MYO19: variants seen among roughly 807,000 people sequenced by gnomAD.
MYO19 encodes the protein unconventional myosin-XIX.
Under a neutral mutation model 129.2 loss-of-function variants are expected in MYO19, and 132 were observed. The ratio of observed to expected loss-of-function variants is 1.02; its 90% confidence interval spans 0.89 to 1.18. The LOEUF (loss-of-function observed/expected upper bound fraction) is 1.18. Ranked by LOEUF, MYO19 falls within the 50% of genes most tolerant of loss-of-function variation. The pLI, the probability that MYO19 is intolerant of heterozygous loss-of-function variation, is 0.00. For missense variants in MYO19, 1,210 were observed against 1,216.7 expected, an observed-to-expected ratio of 0.99 and a Z score of 0.08; for synonymous variants, 531 against 477.2, an observed-to-expected ratio of 1.11 and a Z score of -1.47.
At chr17:36,507,219 C>A in intron 16 of MYO19, 80 bp from the exon 17 acceptor site, 1 of 1,537,120 alleles carries the variant, frequency 6.5e-7, no homozygotes. Context: ...CCTGTGGACC[C>A]CATGACAGCA....
At chr17:36,528,941 G>C (rs1212879550) in intron 3 of MYO19, among the ~76,000 whole-genome samples, 1 of 152,162 alleles carries the variant, frequency 6.6e-6, no homozygotes, top group Non-Finnish European at 1.5e-5. Context: ...TTTTTGGGAA[G>C]AGACAGTTCA....
chr17:36,507,239 C>T (rs2071972941), intron 16 of MYO19, 100 bp from the exon 17 acceptor site: 4 of 1,512,456 alleles, frequency 2.6e-6, no homozygotes, highest in South Asian at 1.2e-5. Flanking sequence ...AGACATCACA[C>T]AGGCATCATA....
In MYO19 at chr17:36,515,994, T is replaced by C. The variant is rs753302002; in HGVS notation, c.415-4A>G. On this transcript the variant is annotated splice_region_variant and splice_polypyrimidine_tract_variant and intron_variant, in intron 6 of 25. Transcript: ENST00000614623. ...TTAGGCAGCGAGACGTCCATGTCTG[T>C]GGCAGAAACAGCCCTGTGGGAGCTG... is the stretch of plus-strand genomic sequence containing the variant. 1.2e-6 allele frequency: 2 copies of C among 1,607,778 alleles called. No individual in the cohort carries two copies. The highest frequency in any genetic ancestry group is 2.7e-5 in the African/African-American group (2 of 74,864).
chr17:36,528,303 T>G (rs1029437338), intron 3 of MYO19, 101 bp from the exon 4 acceptor site: 41 of 1,275,050 alleles, frequency 3.2e-5, no homozygotes, highest in Non-Finnish European at 6.5e-6. Flanking sequence ...AGTGAGGAGA[T>G]CGAGACCATC....
intron 3 of MYO19, among the ~76,000 whole-genome samples, chr17:36,531,623 C>G (rs2073843669): frequency 6.6e-6 from 1 of 151,138 alleles, no homozygotes; most frequent in African/African-American, 2.4e-5. Flanking sequence ...TAAAAATAAG[C>G]AAGAAAAAAG....
chr17:36,523,649 A>G (rs78829807), intron 6 of MYO19, among the ~76,000 whole-genome samples: 2,834 of 152,308 alleles, frequency 0.019, 88 homozygotes, highest in East Asian at 0.094. Context: ...ATGCATATAC[A>G]CATGACCATA....
At chr17:36,513,756 A>G (rs756479103) in intron 9 of MYO19, 31 bp from the exon 10 acceptor site, 2 of 1,596,034 alleles carry the variant, frequency 1.3e-6, no homozygotes, top group Admixed American at 1.7e-5. Context: ...GAGGCTGGGT[A>G]GGGGGTCTGA....
intron 5 of MYO19, 98 bp downstream of exon 5, chr17:36,527,453 A>G: frequency 7.3e-7 from 1 of 1,372,130 alleles, no homozygotes. Context: ...GAATGACCAC[A>G]TTGCTGGTGA....
intron 2 of MYO19, among the ~76,000 whole-genome samples, chr17:36,541,037 A>C (rs1408494700): frequency 6.6e-6 from 1 of 151,794 alleles, no homozygotes; most frequent in Non-Finnish European, 1.5e-5. Flanking sequence ...TACCCAGGCT[A>C]GAGTGCAGTG....
intron 23 of MYO19, chr17:36,499,655 T>TG (rs1567728971): frequency 2.8e-5 from 4 of 142,760 alleles, no homozygotes; most frequent in African/African-American, 1.2e-4. Flanking sequence ...ATTCTTTTTC[T>TG]TTTTGTTTCT....
chr17:36,515,750 T>C lies in MYO19; in HGVS notation c.547+108A>G. The C allele has an allele frequency of 3.1e-6, 4 of 1,277,522 alleles. No individual in the cohort carries two copies. In the South Asian group the frequency reaches 5.9e-5, roughly 19 times the overall value. 79.1% of individuals were successfully genotyped at this position (1,277,522 alleles called of 1,614,324 possible). ...GAGGCAGTGAAGGATACACTCATCC[T>C]CCACCCCCACCCAAGAGAGGGTCTC... On this transcript the variant is annotated intron_variant, in intron 7 of 25. Transcript: ENST00000614623.
intron 18 of MYO19, 42 bp downstream of exon 18, chr17:36,506,414 G>C: frequency 6.2e-7 from 1 of 1,604,476 alleles, no homozygotes; most frequent in Non-Finnish European, 8.5e-7. Flanking sequence ...GTGAGACCGT[G>C]GAGTTTGAAC....
chr17:36,498,580 T>C (rs778899994), intron 24 of MYO19, 21 bp from the exon 25 acceptor site: 2 of 1,592,360 alleles, frequency 1.3e-6, no homozygotes, highest in South Asian at 2.2e-5. Flanking sequence ...AAATATCCCT[T>C]TATAGCTTTA....
At chr17:36,522,824 A>G (rs1241434783) in intron 6 of MYO19, among the ~76,000 whole-genome samples, 1 of 151,990 alleles carries the variant, frequency 6.6e-6, no homozygotes, top group Non-Finnish European at 1.5e-5. Context: ...TGGCTAACAC[A>G]GTGAAACCCG....
At chr17:36,520,992 A>G (rs1421528544) in intron 6 of MYO19, among the ~76,000 whole-genome samples, 1 of 152,218 alleles carries the variant, frequency 6.6e-6, no homozygotes, top group African/African-American at 2.4e-5. Context: ...ACCAACAGTT[A>G]AGTTCACTAA....
chr17:36,525,425 G>A (rs890113971), intron 5 of MYO19, 84 bp from the exon 6 acceptor site: 17 of 1,026,542 alleles, frequency 1.7e-5, no homozygotes, highest in Non-Finnish European at 2.4e-5. Flanking sequence ...GAGATGGGGA[G>A]GCTGCCAATA....
chr17:36,538,395 G>C (rs750442071), upstream of MYO19: 3 of 1,614,052 alleles, frequency 1.9e-6, no homozygotes, highest in South Asian at 2.2e-5. Flanking sequence ...CCCTGAAGCC[G>C]AAAGAATGGA....
At chr17:36,533,797 G>A (rs145717003) in intron 2 of MYO19, 156 bp downstream of exon 2, 322 of 152,412 alleles carry the variant, frequency 2.1e-3, no homozygotes, top group Non-Finnish European at 2.2e-3. Context: ...AATAGGTCCA[G>A]AGGGGCAGCA....
At chr17:36,505,112 A>T in intron 19 of MYO19, 185 bp downstream of exon 19, 1 of 767,326 alleles carries the variant, frequency 1.3e-6, no homozygotes, top group Non-Finnish European at 2.4e-6. Flanking sequence ...TACTATGCAC[A>T]GACCACACAA....
Sources: gnomAD v4.1 joint callset for allele counts (sites outside exome capture counted in the v4.1 genomes callset) on GRCh38, gnomAD v4.1.1 for gene constraint, MANE v1.5 for transcripts, NCBI Gene and HGNC (gene_info 2026-07-23, HGNC 2026-07-21) for gene names.